The following UCK2 variants were observed in gnomAD, a reference collection of about 807,000 sequenced individuals.
UCK2 encodes uridine-cytidine kinase 2.
Under a neutral mutation model 30.8 loss-of-function variants are expected in UCK2, and 6 were observed. The observed-to-expected ratio is 0.19, with a 90% CI of 0.11 to 0.38. The LOEUF is 0.38. Among genes scored for constraint, UCK2 ranks in the 10% least tolerant of loss-of-function variants. UCK2 has a pLI of 1.00. For synonymous variants in UCK2, 125 were observed against 133.6 expected, an observed-to-expected ratio of 0.94 and a Z score of 0.45; for missense variants, 210 against 339.8, an observed-to-expected ratio of 0.62 and a Z score of 3.00.
chr1:165,851,689 T>G (rs565593521), intron 1 of UCK2, among the ~76,000 whole-genome samples: 8 of 152,124 alleles, frequency 5.3e-5, no homozygotes, highest in Non-Finnish European at 8.8e-5. Flanking sequence ...TATATAGATA[T>G]ACGTGTGCCA....
rs1012130877 is a variant in UCK2 at position 165,907,694 on chromosome 1, C to T, written c.657C>T (p.Asn219=). 1 of 1,614,146 alleles carries T rather than the reference C, an allele frequency of 6.2e-7. No individual in the cohort carries two copies. Among genetic ancestry groups the T allele is most frequent in the Non-Finnish European group, 8.5e-7 (1 of 1,180,012 alleles). ...PRGADNLVAI[N]LIVQHIQDIL... ...GTCTCTGCCCCACAGTGGCCATCAA[C>T]CTCATCGTGCAGCACATCCAGGACA... Residue 219 remains asparagine (N), a synonymous_variant, in exon 7 of 7, where the codon AAC becomes AAT. Transcript: ENST00000367879.
chr1:165,834,780 GAA>G (rs2101848426), intron 1 of UCK2, among the ~76,000 whole-genome samples: 1 of 152,138 alleles, frequency 6.6e-6, no homozygotes, highest in South Asian at 2.1e-4. Flanking sequence ...GAAACTACAG[GAA>G]AAGTGTCAGT....
chr1:165,851,176 A>C (rs73029467), intron 1 of UCK2, among the ~76,000 whole-genome samples: 8,483 of 152,130 alleles, frequency 0.056, 790 homozygotes, highest in African/African-American at 0.2. Context: ...GGTCCAGTGC[A>C]CCTGGGTGTG....
intron 1 of UCK2, among the ~76,000 whole-genome samples, chr1:165,888,642 CTTTTTTTTTT>C (rs60874109): frequency 1.4e-5 from 1 of 71,018 alleles, no homozygotes. Flanking sequence ...CTTTCTTCTT[CTTTTTTTTTT>C]TTTTTTTTTT....
intron 1 of UCK2, among the ~76,000 whole-genome samples, chr1:165,889,263 A>T (rs1235978943): frequency 3.3e-5 from 5 of 152,252 alleles, no homozygotes; most frequent in Non-Finnish European, 7.3e-5. Context: ...CAGAAGTAGG[A>T]TTAACGCTGT....
At position 165,907,981 on chromosome 1, in the gene UCK2, G is replaced by A; in HGVS notation, c.*158G>A. On this transcript the variant is annotated 3_prime_UTR_variant, in exon 7 of 7. Transcript: ENST00000367879. ...GATTTTTTTTTTCTTTTTGTACTTT[G>A]GAACGACAAAATGAAACAGAACTTG... 9.1e-7 allele frequency: 1 copy of A among 1,101,416 alleles called. No homozygotes were observed. 68.2% of individuals were successfully genotyped at this position (1,101,416 alleles called of 1,614,324 possible).
chr1:165,834,337 TC>T (rs1467174176), intron 1 of UCK2, among the ~76,000 whole-genome samples: 3 of 152,150 alleles, frequency 2.0e-5, no homozygotes, highest in Non-Finnish European at 4.4e-5. Flanking sequence ...AAAATTTTCA[TC>T]CTGTAGTCCC....
chr1:165,855,510 C>CT (rs76464312), intron 1 of UCK2, among the ~76,000 whole-genome samples: 4,479 of 128,210 alleles, frequency 0.035, 82 homozygotes, highest in Admixed American at 0.046. Flanking sequence ...TTTTTCTTTT[C>CT]TTTTTTTTTT....
At chr1:165,886,704 C>G (rs1280605470) in intron 1 of UCK2, among the ~76,000 whole-genome samples, 4 of 152,172 alleles carry the variant, frequency 2.6e-5, no homozygotes, top group Non-Finnish European at 5.9e-5. Context: ...GAAAGAGATA[C>G]AGAGGTGAGT....
At chr1:165,838,092 C>T (rs768274004) in intron 1 of UCK2, among the ~76,000 whole-genome samples, 1 of 152,224 alleles carries the variant, frequency 6.6e-6, no homozygotes, top group Non-Finnish European at 1.5e-5. Flanking sequence ...TTAGGAAATC[C>T]TGTTGGCCCT....
intron 1 of UCK2, among the ~76,000 whole-genome samples, chr1:165,883,548 T>C (rs941192596): frequency 1.3e-5 from 2 of 152,234 alleles, no homozygotes; most frequent in Admixed American, 6.5e-5. Context: ...AGTTATTTGA[T>C]TGACCCATGG....
chr1:165,893,491 C>G (rs914949162), intron 3 of UCK2, among the ~76,000 whole-genome samples: 1 of 152,178 alleles, frequency 6.6e-6, no homozygotes, highest in Non-Finnish European at 1.5e-5. Context: ...TGATTCCATC[C>G]CACCCATGGG....
Position 165,827,822 on chromosome 1 carries a change from G to T in UCK2, c.-12G>T, listed in dbSNP as rs1199835855. ...GTTCGCACAGGCAGCGGGAGGAGGG[G>T]CGGCGCGAACCATGGCCGGGGACAG... On this transcript the variant is annotated 5_prime_UTR_variant, in exon 1 of 7. Transcript: ENST00000367879. 16 of 1,420,978 alleles carry T rather than the reference G, an allele frequency of 1.1e-5. No individual in the cohort carries two copies. Among genetic ancestry groups the T allele is most frequent in the Non-Finnish European group, 1.4e-5 (15 of 1,077,478 alleles). 88.0% of individuals were successfully genotyped at this position (1,420,978 alleles called of 1,614,324 possible).
intron 1 of UCK2, among the ~76,000 whole-genome samples, chr1:165,882,050 C>G (rs1655512780): frequency 6.6e-6 from 1 of 152,172 alleles, no homozygotes; most frequent in African/African-American, 2.4e-5. Context: ...TGTTAATAGC[C>G]TTGTGGGTTT....
At chr1:165,899,249 G>A (rs1410701738) in intron 4 of UCK2, among the ~76,000 whole-genome samples, 1 of 152,154 alleles carries the variant, frequency 6.6e-6, no homozygotes, top group Non-Finnish European at 1.5e-5. Flanking sequence ...ATCTTCTCGG[G>A]ATTGGTTTCT....
intron 6 of UCK2, 126 bp downstream of exon 6, chr1:165,906,095 A>G: frequency 3.4e-6 from 3 of 892,584 alleles, no homozygotes; most frequent in Non-Finnish European, 5.3e-6. Flanking sequence ...TGTGATTGTG[A>G]GCCAGCAGAA....
intron 1 of UCK2, among the ~76,000 whole-genome samples, chr1:165,832,524 C>T (rs1654075725): frequency 6.6e-6 from 1 of 152,282 alleles, no homozygotes; most frequent in Non-Finnish European, 1.5e-5. Context: ...AGGCATGTGT[C>T]TTCCCTACTG....
At chr1:165,844,356 A>G (rs1224106878) in intron 1 of UCK2, among the ~76,000 whole-genome samples, 2 of 152,242 alleles carry the variant, frequency 1.3e-5, no homozygotes, top group East Asian at 1.9e-4. Flanking sequence ...GTACTGTGAT[A>G]TAATAAGAAA....
At chr1:165,901,953 A>AG (rs1320336077) in intron 4 of UCK2, among the ~76,000 whole-genome samples, 1 of 151,052 alleles carries the variant, frequency 6.6e-6, no homozygotes, top group African/African-American at 2.4e-5. Context: ...CTACCAAAAA[A>AG]AAAAAAAAAA....
Sources: gnomAD v4.1 joint callset for allele counts (sites outside exome capture counted in the v4.1 genomes callset) on GRCh38, gnomAD v4.1.1 for gene constraint, MANE v1.5 for transcripts, NCBI Gene and HGNC (gene_info 2026-07-23, HGNC 2026-07-21) for gene names.